Variants in NRXN2 observed in about 807,000 individuals in gnomAD.
NRXN2 encodes the protein neurexin-2-beta.
NRXN2 carries 29 observed loss-of-function variants against 128.8 expected under a neutral mutation model. The observed-to-expected ratio is 0.23, with a 90% CI of 0.17 to 0.31. The LOEUF (loss-of-function observed/expected upper bound fraction) is 0.31, where lower values mean the gene tolerates loss of function less well. Among genes scored for constraint, NRXN2 ranks in the 10% least tolerant of loss-of-function variants. The pLI, the probability that NRXN2 is intolerant of heterozygous loss-of-function variation, is 1.00. For missense variants in NRXN2, 1,881 were observed against 2,452.6 expected (o/e 0.77, Z 4.92); for synonymous variants, 1,098 against 1,075.2 (o/e 1.02, Z -0.41).
intron 22 of NRXN2, among the ~76,000 whole-genome samples, chr11:64,616,922 G>A (rs998289783): frequency 2.6e-5 from 4 of 152,186 alleles, no homozygotes; most frequent in Admixed American, 6.5e-5. Flanking sequence ...GTGCCTCTGC[G>A]GCTATTTCTG....
At chr11:64,640,049 A>G (rs1348619888) in intron 17 of NRXN2, among the ~76,000 whole-genome samples, 3 of 143,944 alleles carry the variant, frequency 2.1e-5, no homozygotes, top group Non-Finnish European at 3.1e-5. Flanking sequence ...CAGCTGCCCC[A>G]CCCTTCACAG....
At chr11:64,656,814 T>C (rs1334087461) in intron 11 of NRXN2, among the ~76,000 whole-genome samples, 2 of 152,162 alleles carry the variant, frequency 1.3e-5, no homozygotes, top group Non-Finnish European at 2.9e-5. Flanking sequence ...AGGAACTTGC[T>C]CAGTGTTTGC....
chr11:64,633,088 G>A (rs1414805558), intron 18 of NRXN2, among the ~76,000 whole-genome samples: 1 of 152,130 alleles, frequency 6.6e-6, no homozygotes, highest in Non-Finnish European at 1.5e-5. Flanking sequence ...TCCACCCTCA[G>A]GCAGACCCCC....
At chr11:64,663,771 C>T (rs973461520) in intron 9 of NRXN2, among the ~76,000 whole-genome samples, 7 of 152,164 alleles carry the variant, frequency 4.6e-5, no homozygotes, top group African/African-American at 1.7e-4. Context: ...GATCACTCAA[C>T]ACATGGAAAA....
chr11:64,709,190 CAA>C (rs112450142), intron 2 of NRXN2, among the ~76,000 whole-genome samples: 23 of 83,440 alleles, frequency 2.8e-4, no homozygotes, highest in African/African-American at 7.9e-4. Context: ...GACTCCATCT[CAA>C]AAAAAAAAAA....
In NRXN2 at chr11:64,607,772, C is replaced by T. The variant is rs1449218833; in HGVS notation, c.4563G>A (p.Thr1521=). The T allele has an allele frequency of 6.3e-7, 1 of 1,591,022 alleles. No individual in the cohort carries two copies. Among genetic ancestry groups the T allele is most frequent in the Admixed American group, 1.7e-5 (1 of 57,260 alleles). ...EDFYTTFPLV[T]DRTTLLSPRK... is the part of the protein sequence containing the mutation. ...GGGGTGACAGGAGGGTGGTGCGGTC[C>T]GTGACCAGGGGAAAGGTGGTGTAAA... Residue 1521 remains threonine, a synonymous_variant, in exon 23 of 23, where the codon ACG becomes ACA. Coordinates refer to ENST00000265459, the MANE Select transcript of NRXN2 (RefSeq NM_015080.4).
intron 3 of NRXN2, among the ~76,000 whole-genome samples, chr11:64,695,552 C>A (rs1049870044): frequency 6.6e-6 from 1 of 152,032 alleles, no homozygotes; most frequent in Non-Finnish European, 1.5e-5. Flanking sequence ...CCTGCTAAAC[C>A]CACCTCCCCA....
At chr11:64,618,271 G>A (rs2041830352) in intron 22 of NRXN2, among the ~76,000 whole-genome samples, 1 of 152,170 alleles carries the variant, frequency 6.6e-6, no homozygotes, top group Admixed American at 6.5e-5. Flanking sequence ...GTATGGCCCA[G>A]GTGGGATCCA....
chr11:64,637,006 G>A (rs1327815464), intron 17 of NRXN2, among the ~76,000 whole-genome samples: 2 of 152,132 alleles, frequency 1.3e-5, no homozygotes, highest in African/African-American at 4.8e-5. Context: ...GAGGAGAGAA[G>A]GGAAGATTGT....
intron 7 of NRXN2, among the ~76,000 whole-genome samples, chr11:64,674,174 C>T (rs1427398736): frequency 1.3e-5 from 2 of 151,470 alleles, no homozygotes; most frequent in Admixed American, 6.6e-5. Context: ...TGGTTGTTGG[C>T]TTCTTCCTTT....
In NRXN2 at chr11:64,651,503, C is replaced by T; in HGVS notation, c.2670G>A (p.Gln890=). 6.2e-7 allele frequency: 1 copy of T among 1,614,174 alleles called. No individual in the cohort carries two copies. The highest frequency in any genetic ancestry group is 8.5e-7 in the Non-Finnish European group (1 of 1,180,022). Residue 890 remains glutamine (Q), a synonymous_variant, in exon 14 of 23, where the codon CAG becomes CAA. Transcript: ENST00000265459. The surrounding 1 kb of genome is among the most constrained non-coding windows in gnomAD (Gnocchi z 5.9). The stretch of plus-strand genomic sequence containing the variant: ...CATCCTTGCACTGGTCCATGTAGGG[C>T]TGGCCATTGAACACGAGCCCACTCA... ...GHLSGLVFNG[Q]PYMDQCKDGD...
intron 6 of NRXN2, among the ~76,000 whole-genome samples, chr11:64,677,261 T>TG (rs1167896477): frequency 6.6e-6 from 1 of 152,098 alleles, no homozygotes; most frequent in Non-Finnish European, 1.5e-5. Context: ...TAAATTATAA[T>TG]GGGGGGAGGA....
At chr11:64,681,488 G>C (rs1235586560) in intron 6 of NRXN2, among the ~76,000 whole-genome samples, 1 of 152,192 alleles carries the variant, frequency 6.6e-6, no homozygotes, top group Non-Finnish European at 1.5e-5. Flanking sequence ...GATCAAGGAA[G>C]GCTTTTTGAA....
At chr11:64,671,433 C>T (rs2050609875) in intron 7 of NRXN2, among the ~76,000 whole-genome samples, 1 of 152,130 alleles carries the variant, frequency 6.6e-6, no homozygotes, top group South Asian at 2.1e-4. Flanking sequence ...AAGCAGGAAA[C>T]AGGGGAATAA....
intron 11 of NRXN2, among the ~76,000 whole-genome samples, chr11:64,654,801 T>C (rs2048015664): frequency 6.6e-6 from 1 of 152,144 alleles, no homozygotes; most frequent in African/African-American, 2.4e-5. Context: ...GCTGCAGAAA[T>C]CCTTTACTGG....
intron 9 of NRXN2, among the ~76,000 whole-genome samples, chr11:64,664,880 C>A (rs2049577180): frequency 6.6e-6 from 1 of 152,080 alleles, no homozygotes; most frequent in Non-Finnish European, 1.5e-5. Flanking sequence ...ATCCCAGCTA[C>A]TCGGGAGGCT....
rs138585071 is a variant in NRXN2 at position 64,632,554 on chromosome 11, C to T, written c.3586-1981G>A. Among the ~76,000 whole-genome samples, 4 of 152,294 alleles carry T rather than the reference C, an allele frequency of 2.6e-5. No individual in the cohort carries two copies. Among genetic ancestry groups the T allele is most frequent in the Admixed American group, 2.6e-4 (4 of 15,306 alleles). ...GGATTCCTCTGAGGATTTCTCCCCA[C>T]AGGCTCAGCCCAGGCAGTGATGGTG... is the stretch of plus-strand genomic sequence containing the variant. On this transcript the variant is annotated intron_variant, in intron 18 of 22. Transcript: ENST00000265459. This position sits in a 1 kb window ranked among gnomAD's most constrained non-coding sequence, Gnocchi z 4.2.
In NRXN2 at chr11:64,697,782, G is replaced by A. The variant is rs1426684984; in HGVS notation, c.741C>T (p.Pro247=). The A allele has an allele frequency of 1.9e-6, 3 of 1,613,710 alleles. No homozygotes were observed. The African/African-American group carries it at 4.0e-5, about 22-fold the overall frequency. The change falls in exon 3 of 23, where the codon CCC becomes CCT. Residue 247 remains proline, a synonymous_variant. Coordinates refer to ENST00000265459, the MANE Select transcript of NRXN2 (RefSeq NM_015080.4). ...GGKFCSEEEH[P]MEGPAHLTLN... ...CAGAGAGGCTTCACTCACCTTCCAT[G>A]GGGTGCTCCTCTGCAGCCAGCGAGG...
At position 64,607,505 on chromosome 11, in the gene NRXN2, G is replaced by C. The variant is rs779662821; in HGVS notation, c.4830C>G (p.Pro1610=). ...VTSAPGFPHL[P]TANPTGPGER... ...CCCCAGGCCCTGTGGGGTTGGCTGTGGGCAGATGGGGGAAGCCGGGGGCTG... is the reference window on the plus strand; with the variant it reads ...CCCCAGGCCCTGTGGGGTTGGCTGTCGGCAGATGGGGGAAGCCGGGGGCTG... Residue 1610 remains proline, a synonymous_variant, in exon 23 of 23, where the codon CCC becomes CCG. Coordinates refer to ENST00000265459, the MANE Select transcript of NRXN2 (RefSeq NM_015080.4). The C allele has an allele frequency of 1.3e-6, 2 of 1,594,590 alleles. No homozygotes were observed. Among genetic ancestry groups the C allele is most frequent in the African/African-American group, 2.7e-5 (2 of 74,656 alleles).
Sources: gnomAD v4.1 joint callset for allele counts (sites outside exome capture counted in the v4.1 genomes callset) on GRCh38, gnomAD v4.1.1 for gene constraint, Gnocchi (gnomAD v3.1) non-coding constraint, MANE v1.5 for transcripts, NCBI Gene and HGNC (gene_info 2026-07-23, HGNC 2026-07-21) for gene names.